The following EVPL variants were observed in gnomAD, a reference collection of about 807,000 sequenced individuals.
The protein encoded by EVPL is 210 kDa cornified envelope precursor protein.
EVPL carries 94 observed loss-of-function variants against 129.7 expected under a neutral mutation model. The observed-to-expected ratio is 0.72, with a 90% CI of 0.61 to 0.86. The LOEUF (loss-of-function observed/expected upper bound fraction) is 0.86, where lower values mean the gene tolerates loss of function less well. Among genes scored for constraint, EVPL ranks in the 40% least tolerant of loss-of-function variants. The pLI, the probability that EVPL is intolerant of heterozygous loss-of-function variation, is 0.00. For synonymous variants in EVPL, 1,172 were observed against 1,191.1 expected, an observed-to-expected ratio of 0.98 and a Z score of 0.33; for missense variants, 2,625 against 2,721.1, an observed-to-expected ratio of 0.96 and a Z score of 0.79.
Position 76,014,909 on chromosome 17 carries a change from C to T in EVPL, c.2222+7G>A. On this transcript the variant is annotated splice_region_variant and intron_variant, in intron 17 of 21. Transcript: ENST00000301607. ...ACACCCTGTGCCCCGAGGACCCAGT[C>T]GCTCACCGCAGGTCCAGCTGGTCCC... 1 of 1,573,136 alleles carries T rather than the reference C, an allele frequency of 6.4e-7. No individual in the cohort carries two copies. The highest frequency in any genetic ancestry group is 8.6e-7 in the Non-Finnish European group (1 of 1,156,948).
At position 76,018,216 on chromosome 17, in the gene EVPL, T is replaced by C. The variant is rs1474818373; in HGVS notation, c.1482A>G (p.Thr494=). The C allele has an allele frequency of 5.8e-6, 9 of 1,549,228 alleles. No individual in the cohort carries two copies. The East Asian group carries it at 7.3e-5, about 13-fold the overall frequency. Residue 494 remains threonine, a synonymous_variant, in exon 13 of 22, where the codon ACA becomes ACG. Transcript: ENST00000301607. ...ELQALKQKLA[T]VQSRLKASAV... is the part of the protein sequence containing the mutation. Reference sequence around the variant, plus strand: ...CACTGGCCTTCAGGCGGCTCTGGACTGTGGCCAATTTCTGCTTCAGGGCCT... The same window carrying C: ...CACTGGCCTTCAGGCGGCTCTGGACCGTGGCCAATTTCTGCTTCAGGGCCT...
Position 76,009,968 on chromosome 17 carries a change from T to C in EVPL, c.3237A>G (p.Val1079=), listed in dbSNP as rs2144404817. 1.2e-6 allele frequency: 2 copies of C among 1,614,048 alleles called. No individual in the cohort carries two copies. The highest frequency in any genetic ancestry group is 1.7e-6 in the Non-Finnish European group (2 of 1,180,034). ...TTTCCAGATTCTTCTCCACCTTGAC[T>C]ACCTCTTTCACCACGACCTTCTCCT... is the stretch of plus-strand genomic sequence containing the variant. ...DVKEKVVVKE[V]VKVEKNLEMV... is the part of the protein sequence containing the mutation. Residue 1079 remains valine (V), a synonymous_variant, in exon 22 of 22, where the codon GTA becomes GTG. Coordinates refer to ENST00000301607, the MANE Select transcript of EVPL (RefSeq NM_001988.4). The surrounding 1 kb of genome is among the most constrained non-coding windows in gnomAD (Gnocchi z 5.9).
chr17:76,022,059 G>A lies in EVPL; in HGVS notation c.646-31C>T, dbSNP rs756460479. 4 of 1,558,386 alleles carry A rather than the reference G, an allele frequency of 2.6e-6. No individual in the cohort carries two copies. Among genetic ancestry groups the A allele is most frequent in the Admixed American group, 3.8e-5 (2 of 52,706 alleles). On this transcript the variant is annotated intron_variant, in intron 6 of 21. Transcript: ENST00000301607. This position sits in a 1 kb window ranked among gnomAD's most constrained non-coding sequence, Gnocchi z 5.6. Reference sequence around the variant, plus strand: ...CTCAGGACCCGCCGCCAGCAGCAGGGTGGGGAGACAGAAAGTGGGGGGCAA... The same window carrying A: ...CTCAGGACCCGCCGCCAGCAGCAGGATGGGGAGACAGAAAGTGGGGGGCAA...
chr17:76,010,549 GAGAGGAAGAAGGGT>G lies in EVPL; in HGVS notation c.2662-20_2662-7del. The G allele has an allele frequency of 6.2e-7, 1 of 1,609,040 alleles. No individual in the cohort carries two copies. The highest frequency in any genetic ancestry group is 2.2e-5 in the East Asian group (1 of 44,778). On this transcript the variant is annotated splice_polypyrimidine_tract_variant and splice_region_variant and intron_variant, in intron 21 of 21. Coordinates refer to ENST00000301607, the MANE Select transcript of EVPL (RefSeq NM_001988.4). ...ATGTCCTCACTGAGCTCCTTCTGCA[GAGAGGAAGAAGGGT>G]AGAGCACGGGGTGGGCGGTAGAGAT... is the stretch of plus-strand genomic sequence containing the variant.
Position 76,015,301 on chromosome 17 carries a change from C to T in EVPL, c.1954G>A (p.Glu652Lys), listed in dbSNP as rs777340177. 1.2e-6 allele frequency: 2 copies of T among 1,602,292 alleles called. No individual in the cohort carries two copies. The highest frequency in any genetic ancestry group is 1.7e-6 in the Non-Finnish European group (2 of 1,178,688). ...QDADRVIRGF[E>K]ATLVQEAPIP... ...GGGGCCTCCTGCACCAGGGTGGCCTCGAAGCCTCGGATGACCCTGTCCGCA... is the reference window on the plus strand; with the variant it reads ...GGGGCCTCCTGCACCAGGGTGGCCTTGAAGCCTCGGATGACCCTGTCCGCA... Residue 652 changes from glutamate (E) to lysine (K), a missense_variant, in exon 16 of 22, where the codon GAG becomes AAG. Around this residue, in one of 4 missense-constraint regions of EVPL, gnomAD observed 1,024 missense variants for 997.5 expected, o/e 1.03. Transcript: ENST00000301607.
In EVPL at chr17:76,011,295, G is replaced by T. The variant is rs544337372; in HGVS notation, c.2661+281C>A. On this transcript the variant is annotated intron_variant, in intron 21 of 21. Transcript: ENST00000301607. Reference sequence around the variant, plus strand: ...TAGGGGATTTTCTCTGCTCTCTGGGGTTAGAGGTCTTGTCCCATTGGAGGA... The same window carrying T: ...TAGGGGATTTTCTCTGCTCTCTGGGTTTAGAGGTCTTGTCCCATTGGAGGA... Among the ~76,000 whole-genome samples the T allele has an allele frequency of 5.3e-5, 8 of 152,342 alleles. No homozygotes were observed. The East Asian group carries it at 1.5e-3, about 29-fold the overall frequency.
At chr17:76,011,242 G>A (rs1226853871) in intron 21 of EVPL, among the ~76,000 whole-genome samples, 1 of 146,774 alleles carries the variant, frequency 6.8e-6, no homozygotes, top group Non-Finnish European at 1.5e-5. Flanking sequence ...GCCGAAGGTG[G>A]AGAGCCAGGT....
rs1254327045 is a variant in EVPL, at chr17:76,015,054, G to A, written c.2084C>T (p.Ala695Val). The A allele has an allele frequency of 3.1e-6, 5 of 1,587,852 alleles. No individual in the cohort carries two copies. Among genetic ancestry groups the A allele is most frequent in the Non-Finnish European group, 2.6e-6 (3 of 1,171,340 alleles). ...QQTCVLRLHR[A>V]LKASEHACAA... is the part of the protein sequence containing the mutation. ...GCATGCGTGCTCCGAGGCCTTCAGC[G>A]CGCGGTGTAGCCGCAGCACGCAGGT... The change falls in exon 17 of 22, where the codon GCG (alanine) becomes GTG (valine). Residue 695 changes from alanine (A) to valine (V), a missense_variant. Physicochemically the swap from Ala to Val is moderately conservative, Grantham distance 64 (BLOSUM62 0). Coordinates refer to ENST00000301607, the MANE Select transcript of EVPL (RefSeq NM_001988.4).
chr17:76,022,107 A>G lies in EVPL; in HGVS notation c.646-79T>C. 6.3e-7 allele frequency: 1 copy of G among 1,590,688 alleles called. No individual in the cohort carries two copies. The highest frequency in any genetic ancestry group is 8.5e-7 in the Non-Finnish European group (1 of 1,170,630). On this transcript the variant is annotated intron_variant, in intron 6 of 21. Coordinates refer to ENST00000301607, the MANE Select transcript of EVPL (RefSeq NM_001988.4). The surrounding 1 kb of genome is among the most constrained non-coding windows in gnomAD (Gnocchi z 5.6). ...CAAAAGGCGCCATTGGGCCGCGCTC[A>G]GGAACACTGGCCCCGGGCAGGGTCC...
Position 76,009,004 on chromosome 17 carries a change from G to A in EVPL, c.4201C>T (p.Arg1401Trp), listed in dbSNP as rs910114654. The stretch of plus-strand genomic sequence containing the variant: ...ACCTCAAGCTCTAGCTGGCGCCGCC[G>A]GCCCACCTCCTCATCCAGGCTCCCG... ...LSGSLDEEVG[R>W]RRQLELEVQQ... The change falls in exon 22 of 22, where the codon CGG becomes TGG. Residue 1401 changes from arginine (R) to tryptophan (W), a missense_variant. This residue lies in a region of EVPL where 1,453 missense variants were observed against 1,511.8 expected (regional missense o/e 0.96). Transcript: ENST00000301607. This position sits in a 1 kb window ranked among gnomAD's most constrained non-coding sequence, Gnocchi z 5.9. 5.0e-6 allele frequency: 8 copies of A among 1,612,276 alleles called. No homozygotes were observed. Among genetic ancestry groups the A allele is most frequent in the Middle Eastern group, 1.6e-4 (1 of 6,084 alleles).
Position 76,024,269 on chromosome 17 carries a change from T to C in EVPL, c.99-149A>G. 1.4e-6 allele frequency: 1 copy of C among 720,296 alleles called. No homozygotes were observed. The allele number at this position is 720,296 out of a possible 1,614,324, so 44.6% of individuals were successfully genotyped here. A position where few individuals can be genotyped will look rare whatever the true frequency, so the allele number is the denominator to read the frequency against. ...TTTGGGGTCTCTCTCTGCAGAAGGC[T>C]CTGTGAGCTAGTCCTGGTTGGGGGT... On this transcript the variant is annotated intron_variant, in intron 1 of 21. Transcript: ENST00000301607. This position sits in a 1 kb window ranked among gnomAD's most constrained non-coding sequence, Gnocchi z 4.5.
Position 76,008,983 on chromosome 17 carries a change from C to T in EVPL, c.4222G>A (p.Glu1408Lys), listed in dbSNP as rs1367131425. Reference sequence around the variant, plus strand: ...ACGCCGGCCCGCAGCTGCTGCACCTCAAGCTCTAGCTGGCGCCGCCGGCCC... The same window carrying T: ...ACGCCGGCCCGCAGCTGCTGCACCTTAAGCTCTAGCTGGCGCCGCCGGCCC... ...EVGRRRQLEL[E>K]VQQLRAGVEE... Residue 1408 changes from glutamate to lysine, a missense_variant, in exon 22 of 22, where the codon GAG becomes AAG. Around this residue, in one of 4 missense-constraint regions of EVPL, gnomAD observed 1,453 missense variants for 1,511.8 expected, o/e 0.96. Coordinates refer to ENST00000301607, the MANE Select transcript of EVPL (RefSeq NM_001988.4). The surrounding 1 kb of genome is among the most constrained non-coding windows in gnomAD (Gnocchi z 7.4). 1 of 1,611,908 alleles carries T rather than the reference C, an allele frequency of 6.2e-7. No individual in the cohort carries two copies. The highest frequency in any genetic ancestry group is 8.5e-7 in the Non-Finnish European group (1 of 1,179,932).
At chr17:76,018,139 C>T (rs1416682722) in intron 13 of EVPL, 22 bp downstream of exon 13, 19 of 1,550,688 alleles carry the variant, frequency 1.2e-5, no homozygotes, top group African/African-American at 8.2e-5. Context: ...ACAGCCACCT[C>T]TCCCCGGGCC....
rs2066485603 is a variant in EVPL at position 76,024,468 on chromosome 17, G to A, written c.99-348C>T. ...CCCTCCCCGAGCCAGTGAATCACCG[G>A]CTCAGCCACTAGCACCTGAGCCAGC... On this transcript the variant is annotated intron_variant, in intron 1 of 21. Transcript: ENST00000301607. The surrounding 1 kb of genome is among the most constrained non-coding windows in gnomAD (Gnocchi z 4.5). Among the ~76,000 whole-genome samples, 1 of 152,140 alleles carries A rather than the reference G, an allele frequency of 6.6e-6. No individual in the cohort carries two copies. Among genetic ancestry groups the A allele is most frequent in the African/African-American group, 2.4e-5 (1 of 41,434 alleles).
chr17:76,009,457 A>T lies in EVPL; in HGVS notation c.3748T>A (p.Tyr1250Asn). The T allele has an allele frequency of 2.5e-6, 4 of 1,612,386 alleles. No homozygotes were observed. Among genetic ancestry groups the T allele is most frequent in the Non-Finnish European group, 3.4e-6 (4 of 1,179,590 alleles). Residue 1250 changes from tyrosine (Y) to asparagine (N), a missense_variant, in exon 22 of 22, where the codon TAC (tyrosine) becomes AAC (asparagine). Around this residue, in one of 4 missense-constraint regions of EVPL, gnomAD observed 1,453 missense variants for 1,511.8 expected, o/e 0.96. Transcript: ENST00000301607. The surrounding 1 kb of genome is among the most constrained non-coding windows in gnomAD (Gnocchi z 5.9). The part of the protein sequence containing the change: ...VLRAQKPTVE[Y>N]KEVTQEVVRH... The stretch of plus-strand genomic sequence containing the variant: ...ACCACCTCCTGGGTCACCTCCTTGT[A>T]CTCCACCGTGGGCTTCTGGGCCCGC...
chr17:76,023,344 G>T lies in EVPL; in HGVS notation c.428C>A (p.Pro143His), dbSNP rs199782683. The T allele has an allele frequency of 1.2e-6, 2 of 1,613,914 alleles. No homozygotes were observed. The highest frequency in any genetic ancestry group is 1.7e-6 in the Non-Finnish European group (2 of 1,180,024). The change falls in exon 4 of 22, where the codon CCC (proline) becomes CAC (histidine). Residue 143 changes from proline (P) to histidine (H), a missense_variant. Transcript: ENST00000301607. ...GTCGACCCTGGGTCCCACGTCGGGG[G>T]GCAGCACCATCTTCTCGTACAGGGC... ...YRALYEKMVL[P>H]PDVGPRVDWA...
At chr17:76,010,813 C>A (rs1440930889) in intron 21 of EVPL, among the ~76,000 whole-genome samples, 1 of 152,174 alleles carries the variant, frequency 6.6e-6, no homozygotes, top group Non-Finnish European at 1.5e-5. Context: ...TTAATCCCAA[C>A]ACTTTGGGAG....
Position 76,008,843 on chromosome 17 carries a change from G to C in EVPL, c.4362C>G (p.Pro1454=). The C allele has an allele frequency of 6.2e-7, 1 of 1,613,926 alleles. No homozygotes were observed. The highest frequency in any genetic ancestry group is 1.6e-4 in the Middle Eastern group (1 of 6,062). The part of the protein sequence containing the change: ...LRIQELEKRP[P]TVQEKIIMEE... ...CCATGATGATCTTCTCCTGCACCGT[G>C]GGAGGCCGCTTCTCGAGCTCCTGGA... Residue 1454 remains proline (P), a synonymous_variant, in exon 22 of 22, where the codon CCC becomes CCG. Coordinates refer to ENST00000301607, the MANE Select transcript of EVPL (RefSeq NM_001988.4). This position sits in a 1 kb window ranked among gnomAD's most constrained non-coding sequence, Gnocchi z 7.4.
chr17:76,015,138 C>A, intron 16 of EVPL, 29 bp from the exon 17 acceptor site: 1 of 1,566,552 alleles, frequency 6.4e-7, no homozygotes, highest in South Asian at 1.1e-5. Flanking sequence ...CAGCCGTGCA[C>A]CCTCGTGGCT....
Sources: allele counts gnomAD v4.1 joint callset (sites outside exome capture counted in the v4.1 genomes callset), GRCh38; gene constraint gnomAD v4.1.1; regional missense constraint gnomAD v4.1.1; non-coding constraint Gnocchi (gnomAD v3.1); transcripts MANE v1.5; gene names NCBI Gene and HGNC (gene_info 2026-07-23, HGNC 2026-07-21).